Variants in TAFA5 observed in about 807,000 individuals in gnomAD.
TAFA5 encodes the protein TAFA chemokine like family member 5.
Under a neutral mutation model 15.3 loss-of-function variants are expected in TAFA5, and 6 were observed. That is an observed-to-expected ratio of 0.39 (90% CI 0.21 to 0.77). The LOEUF (loss-of-function observed/expected upper bound fraction) is 0.77. Among genes scored for constraint, TAFA5 ranks in the 30% least tolerant of loss-of-function variants. The pLI is 0.41. For missense variants in TAFA5, 161 were observed against 193.1 expected (o/e 0.83, Z 0.98); for synonymous variants, 103 against 80.7 (o/e 1.28, Z -1.48).
chr22:48,697,915 ATGATGG>A (rs1180390450), intron 2 of TAFA5, among the ~76,000 whole-genome samples: 1 of 105,848 alleles, frequency 9.4e-6, no homozygotes, highest in African/African-American at 3.9e-5. Flanking sequence ...TGACAATATG[ATGATGG>A]TGGTGGTGGT....
chr22:48,655,501 T>C (rs1301718804), intron 2 of TAFA5, among the ~76,000 whole-genome samples: 1 of 152,026 alleles, frequency 6.6e-6, no homozygotes, highest in Non-Finnish European at 1.5e-5. Flanking sequence ...CCTCACGTGG[T>C]GGAAGGTGGA....
chr22:48,584,311 A>C (rs773461591), intron 1 of TAFA5, among the ~76,000 whole-genome samples: 1 of 148,354 alleles, frequency 6.7e-6, no homozygotes, highest in Non-Finnish European at 1.5e-5. Flanking sequence ...CAGACCACAC[A>C]CACACAAAAT....
chr22:48,563,478 G>C (rs963569781), intron 1 of TAFA5, among the ~76,000 whole-genome samples: 1 of 152,206 alleles, frequency 6.6e-6, no homozygotes, highest in Non-Finnish European at 1.5e-5. Context: ...CTGAGTGTCT[G>C]AAGGCGGGTG....
At chr22:48,502,317 AT>A (rs1249814301) in intron 1 of TAFA5, among the ~76,000 whole-genome samples, 1 of 152,122 alleles carries the variant, frequency 6.6e-6, no homozygotes, top group South Asian at 2.1e-4. Flanking sequence ...TCATTTCAGT[AT>A]CTCCTGTGTA....
rs535971082 is a variant in TAFA5 at position 48,724,119 on chromosome 22, A to C, written c.390+16275A>C. On this transcript the variant is annotated intron_variant, in intron 3 of 3. Transcript: ENST00000402357. ...AGGAGAGACTCAGGGTTCTCGTTGC[A>C]TTGCTGCAGTAGGAGAGACTTGGGG... Among the ~76,000 whole-genome samples the C allele has an allele frequency of 4.0e-5, 6 of 151,878 alleles. No homozygotes were observed. In the East Asian group the frequency reaches 1.2e-3, roughly 29 times the overall value.
intron 2 of TAFA5, among the ~76,000 whole-genome samples, chr22:48,669,327 G>T (rs1008912920): frequency 6.6e-6 from 1 of 152,234 alleles, no homozygotes; most frequent in Non-Finnish European, 1.5e-5. Context: ...CATGAGCTTC[G>T]CCTGCAGGGA....
intron 1 of TAFA5, among the ~76,000 whole-genome samples, chr22:48,590,400 ACCTTCTATTTATGGC>A (rs1924522705): frequency 6.6e-6 from 1 of 152,166 alleles, no homozygotes; most frequent in African/African-American, 2.4e-5. Context: ...TTTTATGGCT[ACCTTCTATTTATGGC>A]AAAGGCGCTG....
At chr22:48,667,099 G>A (rs894777372) in intron 2 of TAFA5, among the ~76,000 whole-genome samples, 2 of 144,436 alleles carry the variant, frequency 1.4e-5, no homozygotes, top group Non-Finnish European at 1.5e-5. Flanking sequence ...GTAGCACCCC[G>A]ACCCTCACCC....
At chr22:48,721,296 C>T (rs964507933) in intron 3 of TAFA5, among the ~76,000 whole-genome samples, 1 of 152,216 alleles carries the variant, frequency 6.6e-6, no homozygotes, top group Non-Finnish European at 1.5e-5. Context: ...CCATTTCAGC[C>T]CGCCCACTGC....
In TAFA5 at chr22:48,730,985, G is replaced by A. The variant is rs1468870879; in HGVS notation, c.391-18854G>A. On this transcript the variant is annotated intron_variant, in intron 3 of 3. Transcript: ENST00000402357. ...GGCGTGTCGAAAGCTGAGACAGGCT[G>A]AATGCTAGGCCTCTCGCACCAGTCA... 2.0e-5 allele frequency among the ~76,000 whole-genome samples: 3 copies of A among 152,214 alleles called. No individual in the cohort carries two copies. In the East Asian group the frequency reaches 5.8e-4, roughly 29 times the overall value.
At chr22:48,565,137 C>T (rs1000980129) in intron 1 of TAFA5, among the ~76,000 whole-genome samples, 6 of 152,172 alleles carry the variant, frequency 3.9e-5, no homozygotes, top group African/African-American at 7.2e-5. Context: ...CAGGCGGGAG[C>T]GGACTCCCTG....
At chr22:48,577,989 C>T (rs115534690) in intron 1 of TAFA5, among the ~76,000 whole-genome samples, 1,544 of 152,316 alleles carry the variant, frequency 0.01, 25 homozygotes, top group African/African-American at 0.034. Flanking sequence ...GGCAAGCCCG[C>T]GAGGGCTGTC....
At chr22:48,515,590 G>A (rs899803750) in intron 1 of TAFA5, among the ~76,000 whole-genome samples, 1 of 152,024 alleles carries the variant, frequency 6.6e-6, no homozygotes, top group Non-Finnish European at 1.5e-5. Flanking sequence ...TTTCCTCAGG[G>A]ACCTCTCTTT....
At chr22:48,649,920 T>A (rs1467608678) in intron 2 of TAFA5, among the ~76,000 whole-genome samples, 1 of 152,080 alleles carries the variant, frequency 6.6e-6, no homozygotes, top group East Asian at 1.9e-4. Context: ...ACATTCACTT[T>A]CCTCTCACCA....
At chr22:48,580,628 C>G (rs1236320248) in intron 1 of TAFA5, among the ~76,000 whole-genome samples, 3 of 152,152 alleles carry the variant, frequency 2.0e-5, no homozygotes, top group African/African-American at 4.8e-5. Flanking sequence ...TTCTGAGTGT[C>G]TAACGGTGGA....
At chr22:48,522,851 A>C (rs923268761) in intron 1 of TAFA5, among the ~76,000 whole-genome samples, 1 of 152,214 alleles carries the variant, frequency 6.6e-6, no homozygotes, top group African/African-American at 2.4e-5. Flanking sequence ...GCCTCCCTAC[A>C]GGGCCCTCCA....
At chr22:48,492,378 T>C (rs1423033569) in intron 1 of TAFA5, among the ~76,000 whole-genome samples, 5 of 152,206 alleles carry the variant, frequency 3.3e-5, no homozygotes, top group African/African-American at 4.8e-5. Flanking sequence ...TCCTGCCTAT[T>C]AAATCTGTGT....
At chr22:48,724,254 TTTG>T (rs1324592597) in intron 3 of TAFA5, among the ~76,000 whole-genome samples, 1 of 152,190 alleles carries the variant, frequency 6.6e-6, no homozygotes, top group Non-Finnish European at 1.5e-5. Context: ...AAAGCTTTGT[TTTG>T]TTGTTGGTTA....
At chr22:48,697,362 TGATGAC>T (rs1269962197) in intron 2 of TAFA5, among the ~76,000 whole-genome samples, 4 of 138,504 alleles carry the variant, frequency 2.9e-5, no homozygotes, top group East Asian at 2.0e-4. Flanking sequence ...ATGATGATAA[TGATGAC>T]GATGATGATG....
Sources: allele counts gnomAD v4.1 joint callset (sites outside exome capture counted in the v4.1 genomes callset), GRCh38; gene constraint gnomAD v4.1.1; transcripts MANE v1.5; gene names NCBI Gene and HGNC (gene_info 2026-07-23, HGNC 2026-07-21).